The following MATN2 variants were observed in gnomAD, a reference collection of about 807,000 sequenced individuals.
MATN2 encodes the protein matrilin-2.
A neutral mutation model predicts 103.2 loss-of-function variants in MATN2; 69 were observed. The ratio of observed to expected loss-of-function variants is 0.67; its 90% CI spans 0.55 to 0.82. The LOEUF (loss-of-function observed/expected upper bound fraction) is 0.82, where lower values mean the gene tolerates loss of function less well. Ranked by LOEUF, MATN2 falls within the 40% of genes least tolerant of loss-of-function variation. The pLI, the probability that MATN2 is intolerant of heterozygous loss-of-function variation, is 0.00. For synonymous variants in MATN2, 429 were observed against 450.2 expected, an observed-to-expected ratio of 0.95 and a Z score of 0.60; for missense variants, 1,023 against 1,211.5, an observed-to-expected ratio of 0.84 and a Z score of 2.31.
intron 1 of MATN2, among the ~76,000 whole-genome samples, chr8:97,882,966 C>T (rs1818301284): frequency 6.6e-6 from 1 of 152,056 alleles, no homozygotes; most frequent in African/African-American, 2.4e-5. Flanking sequence ...ATCTTTTGCA[C>T]ATTCTGAAGT....
chr8:97,886,396 T>C (rs941511250), intron 1 of MATN2, among the ~76,000 whole-genome samples: 4 of 152,170 alleles, frequency 2.6e-5, no homozygotes, highest in African/African-American at 9.7e-5. Flanking sequence ...GCCAAAAAGA[T>C]TGGGGACCAC....
chr8:97,970,178 C>T (rs1811610529), intron 5 of MATN2, among the ~76,000 whole-genome samples: 2 of 152,090 alleles, frequency 1.3e-5, no homozygotes, highest in South Asian at 4.1e-4. Flanking sequence ...ATTGCAGGCA[C>T]GTTAAGGGGA....
chr8:97,911,938 T>G (rs938493731), intron 2 of MATN2, among the ~76,000 whole-genome samples: 1 of 152,186 alleles, frequency 6.6e-6, no homozygotes, highest in Non-Finnish European at 1.5e-5. Context: ...ACATATTTGC[T>G]CATTTTATCC....
At chr8:97,923,563 C>CT (rs1178268676) in intron 2 of MATN2, among the ~76,000 whole-genome samples, 23 of 82,362 alleles carry the variant, frequency 2.8e-4, no homozygotes, top group Admixed American at 2.6e-3. Flanking sequence ...CTCTCTGTCT[C>CT]TCTTTTTTTT....
chr8:97,945,303 G>T (rs1427877681), intron 4 of MATN2, among the ~76,000 whole-genome samples: 1 of 151,976 alleles, frequency 6.6e-6, no homozygotes, highest in African/African-American at 2.4e-5. Flanking sequence ...TCTTAAAGTG[G>T]GTTTTATCAC....
At chr8:98,026,178 C>CAAAAAAA (rs71271184) in intron 13 of MATN2, among the ~76,000 whole-genome samples, 2 of 109,730 alleles carry the variant, frequency 1.8e-5, no homozygotes, top group East Asian at 3.0e-4. Context: ...GACTCAATCT[C>CAAAAAAA]AAAAAAAAAA....
chr8:98,007,530 A>G lies in MATN2; in HGVS notation c.1502A>G (p.Asn501Ser), dbSNP rs199931655. The change falls in exon 10 of 19, where the codon AAC (asparagine) becomes AGC (serine). Residue 501 changes from asparagine to serine, a missense_variant. By Grantham distance (46) the Asn-to-Ser change is conservative. Transcript: ENST00000254898. The surrounding 1 kb of genome is among the most constrained non-coding windows in gnomAD (Gnocchi z 4.2). ...SDHGCEYSCV[N>S]MDRSFACQCP... ...CATGGTTGTGAATACTCCTGTGTCA[A>G]CATGGACAGATCCTTTGCCTGTCAG... 199 of 1,613,598 alleles carry G rather than the reference A, an allele frequency of 1.2e-4. No individual in the cohort carries two copies. The highest frequency in any genetic ancestry group is 1.6e-4 in the Non-Finnish European group (192 of 1,179,628).
intron 1 of MATN2, among the ~76,000 whole-genome samples, chr8:97,876,495 T>C (rs1299243872): frequency 1.3e-5 from 2 of 152,032 alleles, no homozygotes; most frequent in East Asian, 1.9e-4. Flanking sequence ...GGACAATTCA[T>C]GTATTTTTTG....
intron 2 of MATN2, among the ~76,000 whole-genome samples, chr8:97,929,169 G>C (rs536362757): frequency 6.6e-6 from 1 of 152,182 alleles, no homozygotes; most frequent in Non-Finnish European, 1.5e-5. Context: ...CATTAGACTT[G>C]TGAGGCGGCA....
At chr8:97,984,633 G>C (rs1812133951) in intron 6 of MATN2, among the ~76,000 whole-genome samples, 1 of 152,130 alleles carries the variant, frequency 6.6e-6, no homozygotes, top group African/African-American at 2.4e-5. Context: ...CCATTCATAG[G>C]GTCCCCCGTG....
At chr8:97,936,542 C>T (rs1396543031) in intron 3 of MATN2, among the ~76,000 whole-genome samples, 3 of 151,344 alleles carry the variant, frequency 2.0e-5, no homozygotes, top group African/African-American at 7.3e-5. Flanking sequence ...TCCAGCCCAC[C>T]TCCCTACACT....
chr8:97,974,803 C>T (rs1404817290), intron 5 of MATN2, among the ~76,000 whole-genome samples: 1 of 152,196 alleles, frequency 6.6e-6, no homozygotes, highest in African/African-American at 2.4e-5. Flanking sequence ...ATGACACATA[C>T]AGGTTTGGAA....
chr8:97,892,775 T>C (rs1051425868), intron 2 of MATN2, among the ~76,000 whole-genome samples: 2 of 152,200 alleles, frequency 1.3e-5, no homozygotes, highest in African/African-American at 2.4e-5. Context: ...CATGTTATTA[T>C]GGAAATAGTT....
chr8:97,882,771 A>G (rs748302775), intron 1 of MATN2, among the ~76,000 whole-genome samples: 1 of 152,110 alleles, frequency 6.6e-6, no homozygotes, highest in Non-Finnish European at 1.5e-5. Flanking sequence ...AAATTTTTTC[A>G]TATTCCTAGG....
intron 4 of MATN2, among the ~76,000 whole-genome samples, chr8:97,943,754 GC>G (rs1017853405): frequency 2.0e-4 from 30 of 152,244 alleles, no homozygotes; most frequent in African/African-American, 6.3e-4. Context: ...TGTGCCTGGT[GC>G]CCTTCTCTTC....
chr8:97,884,055 C>T (rs1264709066), intron 1 of MATN2, among the ~76,000 whole-genome samples: 1 of 151,878 alleles, frequency 6.6e-6, no homozygotes, highest in Non-Finnish European at 1.5e-5. Context: ...GGATAATATA[C>T]ATAAGTAAGC....
intron 13 of MATN2, among the ~76,000 whole-genome samples, chr8:98,022,654 A>G (rs1409180614): frequency 8.6e-6 from 1 of 116,228 alleles, no homozygotes; most frequent in Non-Finnish European, 1.6e-5. Flanking sequence ...GGACACTTGG[A>G]GAAGCTACAG....
At position 98,030,451 on chromosome 8, in the gene MATN2, C is replaced by T. The variant is rs777221148; in HGVS notation, c.2357-11C>T. On this transcript the variant is annotated splice_polypyrimidine_tract_variant and intron_variant, in intron 14 of 18. Transcript: ENST00000254898. ...CTAACTAACTTGCTCTTAATTTTTC[C>T]TGCACCCTAGGTATCACTATGTATG... is the stretch of plus-strand genomic sequence containing the variant. The T allele has an allele frequency of 2.6e-5, 42 of 1,608,218 alleles. 1 individual carries two copies. In the Middle Eastern group the frequency reaches 8.3e-4, roughly 32 times the overall value.
rs180893819 is a variant in MATN2, at chr8:98,005,922, C to T, written c.1328-1183C>T. On this transcript the variant is annotated intron_variant, in intron 8 of 18. Coordinates refer to ENST00000254898, the MANE Select transcript of MATN2 (RefSeq NM_002380.5). This position sits in a 1 kb window ranked among gnomAD's most constrained non-coding sequence, Gnocchi z 4.6. ...GCTCCCAAGATCCAGCAAGTGTTCG[C>T]AGGAGATGCATCCACCAGTGGAATG... 8.5e-5 allele frequency among the ~76,000 whole-genome samples: 13 copies of T among 152,346 alleles called. No homozygotes were observed. The highest frequency in any genetic ancestry group is 3.1e-4 in the African/African-American group (13 of 41,578).
Sources: gnomAD v4.1 joint callset for allele counts (sites outside exome capture counted in the v4.1 genomes callset) on GRCh38, gnomAD v4.1.1 for gene constraint, Gnocchi (gnomAD v3.1) non-coding constraint, MANE v1.5 for transcripts, NCBI Gene and HGNC (gene_info 2026-07-23, HGNC 2026-07-21) for gene names.